The following NHSL2 variants were observed in gnomAD, a reference collection of about 807,000 sequenced individuals.
NHSL2 encodes NHS like 2.
NHSL2 carries 27 observed loss-of-function variants against 53.4 expected under a neutral mutation model. The ratio of observed to expected loss-of-function variants is 0.51; its 90% CI spans 0.37 to 0.70. The LOEUF is 0.70. NHSL2 is among the 30% of genes least tolerant of loss of function. The pLI is 0.00. For missense variants in NHSL2, 892 were observed against 980.1 expected (o/e 0.91, Z 1.20); for synonymous variants, 408 against 404.1 (o/e 1.01, Z -0.12).
chrX:72,019,432 A>G (rs1004575028), intron 1 of NHSL2, among the ~76,000 whole-genome samples: 1 of 112,445 alleles, frequency 8.9e-6, no homozygotes, highest in African/African-American at 3.2e-5. Context: ...CACGTAGGTA[A>G]ACACTGGCTG....
intron 1 of NHSL2, among the ~76,000 whole-genome samples, chrX:72,082,904 G>A (rs1017255591): frequency 4.5e-5 from 5 of 112,076 alleles, no homozygotes; most frequent in African/African-American, 1.6e-4. Context: ...CTGTACTCCA[G>A]CCTTGCAGAT....
intron 1 of NHSL2, among the ~76,000 whole-genome samples, chrX:72,110,533 C>G (rs2042082545): frequency 9.1e-6 from 1 of 109,417 alleles, no homozygotes; most frequent in African/African-American, 3.3e-5. Flanking sequence ...TGTTTGCAAC[C>G]CTTTCCCCTG....
chrX:72,075,825 G>A, intron 1 of NHSL2, among the ~76,000 whole-genome samples: 1 of 110,717 alleles, frequency 9.0e-6, no homozygotes, highest in South Asian at 4.0e-4. Flanking sequence ...GGTAAGAAGG[G>A]TCTCTAAAAA....
chrX:72,086,263 A>G (rs1373927990), intron 1 of NHSL2, among the ~76,000 whole-genome samples: 1 of 112,219 alleles, frequency 8.9e-6, no homozygotes, highest in Non-Finnish European at 1.9e-5. Context: ...CTTTGGATCT[A>G]CCAAAATATC....
intron 1 of NHSL2, among the ~76,000 whole-genome samples, chrX:71,951,402 A>G (rs768161139): frequency 8.9e-6 from 1 of 112,059 alleles, no homozygotes; most frequent in African/African-American, 3.2e-5. Context: ...TTGCTGGATT[A>G]TATGGTAATC....
chrX:72,048,987 G>GAGGAGAAGAAGAAGAAGAAGAAGAAGA (rs1482632182), intron 1 of NHSL2, among the ~76,000 whole-genome samples: 5 of 35,541 alleles, frequency 1.4e-4, no homozygotes, highest in Admixed American at 3.9e-4. Context: ...GAAGAAGGAG[G>GAGGAGAAGAAGAAGAAGAAGAAGAAGA]AGAAGAAGAA....
chrX:72,050,506 A>G (rs1255092713), intron 1 of NHSL2, among the ~76,000 whole-genome samples: 1 of 111,992 alleles, frequency 8.9e-6, no homozygotes, highest in Non-Finnish European at 1.9e-5. Flanking sequence ...AAGATAATGT[A>G]GCAAATGCCT....
chrX:71,966,487 G>A (rs1030358388), intron 1 of NHSL2, among the ~76,000 whole-genome samples: 1 of 111,659 alleles, frequency 9.0e-6, no homozygotes. Context: ...TTTGCTAAGA[G>A]TTTTTATCAT....
intron 1 of NHSL2, among the ~76,000 whole-genome samples, chrX:71,937,954 G>A (rs977571043): frequency 2.7e-5 from 3 of 111,919 alleles, no homozygotes; most frequent in African/African-American, 9.8e-5. Flanking sequence ...CTGTCAGGCA[G>A]CATAATGGCA....
intron 1 of NHSL2, among the ~76,000 whole-genome samples, chrX:72,017,763 A>T (rs1028207302): frequency 8.9e-6 from 1 of 112,703 alleles, no homozygotes; most frequent in Non-Finnish European, 1.9e-5. Flanking sequence ...GCAAAATATT[A>T]CTCAGATAGA....
intron 1 of NHSL2, among the ~76,000 whole-genome samples, chrX:72,111,137 G>A (rs893430135): frequency 6.2e-5 from 7 of 112,521 alleles, no homozygotes; most frequent in African/African-American, 2.3e-4. Context: ...TCCCTGCCCC[G>A]GACTCTGCCT....
intron 1 of NHSL2, among the ~76,000 whole-genome samples, chrX:71,931,620 C>G (rs1157800272): frequency 8.9e-6 from 1 of 112,435 alleles, no homozygotes; most frequent in African/African-American, 3.2e-5. Context: ...GTTAAAGAGA[C>G]TATTCCTTCC....
rs770739190 is a variant in NHSL2, at chrX:72,149,833, G to A, written c.*6259G>A. 4.5e-5 allele frequency: 5 copies of A among 111,921 alleles called. No homozygotes were observed. Among genetic ancestry groups the A allele is most frequent in the Non-Finnish European group, 9.4e-5 (5 of 53,213 alleles). The allele number at this position is 111,921 out of a possible 1,213,427, so 9.2% of individuals were successfully genotyped here. A position where few individuals can be genotyped will look rare whatever the true frequency, so the allele number is the denominator to read the frequency against. On this transcript the variant is annotated 3_prime_UTR_variant, in exon 8 of 8. Transcript: ENST00000633930. ...ATTTATCTGCAGTCTTGGAATGTTA[G>A]AGCTGAAAGGGACCAACCTCTCTCA...
intron 1 of NHSL2, among the ~76,000 whole-genome samples, chrX:71,981,744 G>A (rs1342496592): frequency 9.0e-6 from 1 of 111,651 alleles, no homozygotes. Flanking sequence ...CATTATCCAT[G>A]AGGGAAATTT....
intron 1 of NHSL2, among the ~76,000 whole-genome samples, chrX:72,111,860 G>A (rs1392502923): frequency 9.0e-6 from 1 of 111,487 alleles, no homozygotes; most frequent in Non-Finnish European, 1.9e-5. Context: ...ACCTCAGGGA[G>A]CTTACAGTCC....
At chrX:72,032,847 A>G (rs2042222804) in intron 1 of NHSL2, among the ~76,000 whole-genome samples, 1 of 112,345 alleles carries the variant, frequency 8.9e-6, no homozygotes, top group South Asian at 3.7e-4. Flanking sequence ...CGACAGAGCA[A>G]GACTCTGCTC....
chrX:71,947,942 T>C (rs1358959735), intron 1 of NHSL2, among the ~76,000 whole-genome samples: 1 of 111,194 alleles, frequency 9.0e-6, no homozygotes, highest in Admixed American at 9.5e-5. Flanking sequence ...CTGGATGCAG[T>C]GTACACTGCT....
chrX:72,048,262 C>T (rs1407016058), intron 1 of NHSL2, among the ~76,000 whole-genome samples: 1 of 110,687 alleles, frequency 9.0e-6, no homozygotes, highest in Non-Finnish European at 1.9e-5. Flanking sequence ...TTCTCCTATG[C>T]ATCCGAGGAG....
chrX:72,018,490 C>T (rs2147897840), intron 1 of NHSL2, among the ~76,000 whole-genome samples: 1 of 113,045 alleles, frequency 8.8e-6, no homozygotes, highest in African/African-American at 3.2e-5. Context: ...GCGGGCAGGG[C>T]GAGGGCACGG....
Sources: gnomAD v4.1 joint callset for allele counts (sites outside exome capture counted in the v4.1 genomes callset) on GRCh38, gnomAD v4.1.1 for gene constraint, MANE v1.5 for transcripts, NCBI Gene and HGNC (gene_info 2026-07-23, HGNC 2026-07-21) for gene names.